Variants in ZNF536 observed in about 807,000 individuals in gnomAD.
The protein encoded by ZNF536 is zinc finger protein 536.
In ZNF536, 13 loss-of-function variants were observed where a neutral mutation model predicts 84.5. That is an observed-to-expected ratio of 0.15 (90% CI 0.10 to 0.24). The LOEUF is 0.24. Ranked by LOEUF, ZNF536 falls within the 10% of genes least tolerant of loss-of-function variation. The probability of loss-of-function intolerance (pLI) is 1.00; values close to 1 mark genes in which losing one functional copy is unlikely to be tolerated. For synonymous variants in ZNF536, 811 were observed against 742.5 expected (o/e 1.09, Z -1.50); for missense variants, 1,536 against 1,747.5 (o/e 0.88, Z 2.16).
chr19:30,439,614 G>A (rs955882340), intron 1 of ZNF536, among the ~76,000 whole-genome samples: 1 of 152,148 alleles, frequency 6.6e-6, no homozygotes, highest in African/African-American at 2.4e-5. Flanking sequence ...GCACCTGCTC[G>A]AGGAATCACA....
intron 1 of ZNF536, among the ~76,000 whole-genome samples, chr19:30,690,401 T>C (rs1399338852): frequency 1.3e-5 from 2 of 152,244 alleles, no homozygotes; most frequent in Non-Finnish European, 2.9e-5. Flanking sequence ...ATGCTGGCGA[T>C]GAGTTTGGTA....
chr19:30,400,656 G>C (rs923578900), intron 1 of ZNF536, among the ~76,000 whole-genome samples: 1 of 152,070 alleles, frequency 6.6e-6, no homozygotes, highest in African/African-American at 2.4e-5. Context: ...TCAACTCCTG[G>C]CCTCAAGTGA....
chr19:30,248,298 C>T (rs1322093330), intron 1 of ZNF536, among the ~76,000 whole-genome samples: 6 of 140,874 alleles, frequency 4.3e-5, no homozygotes, highest in Middle Eastern at 3.5e-3. Flanking sequence ...CTTGGCTCAC[C>T]GCAACCTCTG....
At chr19:30,647,727 A>G (rs1323081435) in intron 1 of ZNF536, among the ~76,000 whole-genome samples, 1 of 152,126 alleles carries the variant, frequency 6.6e-6, no homozygotes, top group African/African-American at 2.4e-5. Flanking sequence ...TAAGACCCCA[A>G]TTTGGAAGTG....
downstream of ZNF536, among the ~76,000 whole-genome samples, chr19:30,558,316 C>A (rs953828197): frequency 6.6e-6 from 1 of 152,074 alleles, no homozygotes; most frequent in Non-Finnish European, 1.5e-5. Context: ...GAGAGCCAGG[C>A]GACACGGGCC....
At chr19:30,260,515 G>A (rs114168006) in intron 1 of ZNF536, among the ~76,000 whole-genome samples, 194 of 152,326 alleles carry the variant, frequency 1.3e-3, no homozygotes, top group African/African-American at 4.5e-3. Context: ...CAAGCCCAAG[G>A]CCAACCTCCG....
At chr19:30,395,334 C>T (rs888729593) in intron 1 of ZNF536, among the ~76,000 whole-genome samples, 1 of 152,162 alleles carries the variant, frequency 6.6e-6, no homozygotes, top group Non-Finnish European at 1.5e-5. Flanking sequence ...GTTTTGTTTG[C>T]AGTATCTACA....
chr19:30,639,258 G>A (rs550240064), intron 1 of ZNF536, among the ~76,000 whole-genome samples: 3 of 152,194 alleles, frequency 2.0e-5, no homozygotes, highest in Non-Finnish European at 4.4e-5. Context: ...TTTTGTAGTA[G>A]CAACATTAAA....
At chr19:30,608,475 C>T (rs2047974230) in intron 1 of ZNF536, among the ~76,000 whole-genome samples, 1 of 152,106 alleles carries the variant, frequency 6.6e-6, no homozygotes, top group East Asian at 1.9e-4. Context: ...ACGAATCCAC[C>T]AGAACTTTAG....
chr19:30,399,685 T>TC (rs1011136844), intron 1 of ZNF536, among the ~76,000 whole-genome samples: 4 of 149,920 alleles, frequency 2.7e-5, no homozygotes, highest in African/African-American at 9.8e-5. Context: ...AAATGTTTTT[T>TC]TTTTTTTTTT....
intron 2 of ZNF536, among the ~76,000 whole-genome samples, chr19:30,488,531 T>C (rs1428744847): frequency 6.6e-6 from 1 of 150,718 alleles, no homozygotes; most frequent in Non-Finnish European, 1.5e-5. Flanking sequence ...TTTTAAAAAT[T>C]CAAAAAGGAA....
At chr19:30,237,043 A>T (rs1183181596) in intron 1 of ZNF536, among the ~76,000 whole-genome samples, 1 of 147,690 alleles carries the variant, frequency 6.8e-6, no homozygotes, top group Non-Finnish European at 1.5e-5. Flanking sequence ...TTCTTGTGAG[A>T]TTTTTTTTTT....
chr19:30,578,554 C>G (rs531195006), intron 1 of ZNF536, among the ~76,000 whole-genome samples: 1 of 152,204 alleles, frequency 6.6e-6, no homozygotes, highest in African/African-American at 2.4e-5. Flanking sequence ...TCTGGCTGGT[C>G]CTTGGGTTAT....
chr19:30,349,030 C>T (rs570749654), intron 2 of ZNF536, among the ~76,000 whole-genome samples: 5 of 152,298 alleles, frequency 3.3e-5, no homozygotes, highest in African/African-American at 9.6e-5. Context: ...TCTGCCTCCA[C>T]CAAATGAGTG....
intron 2 of ZNF536, among the ~76,000 whole-genome samples, chr19:30,472,542 G>A (rs2053680663): frequency 6.6e-6 from 1 of 152,164 alleles, no homozygotes; most frequent in African/African-American, 2.4e-5. Context: ...TACACGTGAT[G>A]GAGGAGTCCC....
At chr19:30,481,394 C>T (rs1272555349) in intron 2 of ZNF536, among the ~76,000 whole-genome samples, 1 of 152,174 alleles carries the variant, frequency 6.6e-6, no homozygotes, top group African/African-American at 2.4e-5. Context: ...TCTCTGGTTG[C>T]ACAGTCGGCA....
intron 2 of ZNF536, among the ~76,000 whole-genome samples, chr19:30,500,863 T>A (rs1044585973): frequency 6.6e-6 from 1 of 152,260 alleles, no homozygotes; most frequent in Non-Finnish European, 1.5e-5. Context: ...CAGTGCTACC[T>A]CCTGGCTTTC....
chr19:30,668,131 GA>G lies in ZNF536; in HGVS notation c.170-42618del, dbSNP rs543394593. On this transcript the variant is annotated intron_variant, in intron 1 of 1. Transcript: ENST00000592773. Reference sequence around the variant, plus strand: ...TTCTTGGATGTTAAATGTAATATTAGAAAAAAAATTTTTAGTTCATGATGAT... The same window carrying G: ...TTCTTGGATGTTAAATGTAATATTAGAAAAAAATTTTTAGTTCATGATGAT... Among the ~76,000 whole-genome samples the G allele has an allele frequency of 1.3e-4, 19 of 151,912 alleles. 1 individual carries two copies. The highest frequency in any genetic ancestry group is 1.0e-3 in the South Asian group (5 of 4,820).
At chr19:30,614,184 A>G (rs2048201191) in intron 1 of ZNF536, among the ~76,000 whole-genome samples, 1 of 152,212 alleles carries the variant, frequency 6.6e-6, no homozygotes, top group East Asian at 1.9e-4. Flanking sequence ...TCATCTGTAT[A>G]TTGTGCATAT....
Sources: gnomAD v4.1 joint callset for allele counts (sites outside exome capture counted in the v4.1 genomes callset) on GRCh38, gnomAD v4.1.1 for gene constraint, MANE v1.5 for transcripts, NCBI Gene and HGNC (gene_info 2026-07-23, HGNC 2026-07-21) for gene names.